Variants in RXFP2 observed in about 807,000 individuals in gnomAD.
The protein encoded by RXFP2 is relaxin receptor 2.
In RXFP2, 68 loss-of-function variants were observed where a neutral mutation model predicts 88.6. The observed-to-expected ratio is 0.77, with a 90% CI of 0.63 to 0.94. The LOEUF is 0.94. Among genes scored for constraint, RXFP2 ranks in the 40% least tolerant of loss-of-function variants. The probability of loss-of-function intolerance (pLI) is 0.00; values close to 1 mark genes in which losing one functional copy is unlikely to be tolerated. For synonymous variants in RXFP2, 329 were observed against 306.8 expected (o/e 1.07, Z -0.76); for missense variants, 791 against 893.9 (o/e 0.88, Z 1.47).
At chr13:31,758,427 C>T in intron 2 of RXFP2, 23 bp downstream of exon 2, 1 of 1,613,426 alleles carries the variant, frequency 6.2e-7, no homozygotes, top group Non-Finnish European at 8.5e-7. Context: ...CTCGGCTCCC[C>T]ATGTGTGCCT....
intron 17 of RXFP2, among the ~76,000 whole-genome samples, chr13:31,798,293 C>T (rs1874154880): frequency 6.6e-6 from 1 of 152,154 alleles, no homozygotes; most frequent in Non-Finnish European, 1.5e-5. Context: ...CTGCAAAATA[C>T]CACACAACAT....
intron 14 of RXFP2, 72 bp downstream of exon 14, chr13:31,789,265 T>C: frequency 2.1e-6 from 2 of 948,548 alleles, no homozygotes; most frequent in Non-Finnish European, 1.7e-6. Context: ...AACTGTCTAA[T>C]GTATCACTGC....
chr13:31,796,109 G>A (rs1213609362), intron 16 of RXFP2, among the ~76,000 whole-genome samples: 1 of 134,264 alleles, frequency 7.4e-6, no homozygotes, highest in African/African-American at 2.8e-5. Flanking sequence ...GAGTGCAGTG[G>A]CGCAATCTCG....
intron 1 of RXFP2, among the ~76,000 whole-genome samples, chr13:31,753,355 T>C (rs558912473): frequency 6.6e-6 from 1 of 152,190 alleles, no homozygotes; most frequent in South Asian, 2.1e-4. Flanking sequence ...CATTTTAAAA[T>C]CTCTTGGCAC....
At chr13:31,753,165 C>A (rs149829753) in intron 1 of RXFP2, among the ~76,000 whole-genome samples, 2 of 152,276 alleles carry the variant, frequency 1.3e-5, no homozygotes, top group East Asian at 3.9e-4. Context: ...GTAGGACTAG[C>A]ATTGGCAGAG....
intron 15 of RXFP2, among the ~76,000 whole-genome samples, 158 bp downstream of exon 15, chr13:31,792,193 G>A (rs1221860065): frequency 1.3e-5 from 2 of 152,004 alleles, no homozygotes; most frequent in African/African-American, 4.8e-5. Context: ...CTGGCTCTTT[G>A]TGGCTTTGTT....
intron 1 of RXFP2, among the ~76,000 whole-genome samples, chr13:31,757,286 G>A (rs1379311927): frequency 6.6e-6 from 1 of 152,104 alleles, no homozygotes; most frequent in Non-Finnish European, 1.5e-5. Context: ...TCAGAGGGAG[G>A]ATTCAAAGCC....
At chr13:31,752,040 C>G (rs1215620449) in intron 1 of RXFP2, among the ~76,000 whole-genome samples, 2 of 152,156 alleles carry the variant, frequency 1.3e-5, no homozygotes, top group African/African-American at 4.8e-5. Context: ...TATAACCCAC[C>G]AACAGCCACA....
rs536336260 is a variant in RXFP2, at chr13:31,791,897, T to C, written c.1237T>C (p.Leu413=). ...TDGISSFEDL[L]ANNILRIFVW... is the part of the protein sequence containing the mutation. Reference sequence around the variant, plus strand: ...CGGCATTTCTTCATTTGAGGACCTCTTGGCTAACAATATCCTCAGAATATT... The same window carrying C: ...CGGCATTTCTTCATTTGAGGACCTCCTGGCTAACAATATCCTCAGAATATT... Residue 413 remains leucine (L), a synonymous_variant, in exon 15 of 18, where the codon TTG becomes CTG. Transcript: ENST00000298386. The C allele has an allele frequency of 2.1e-5, 34 of 1,614,138 alleles. No individual in the cohort carries two copies. The African/African-American group carries it at 4.0e-4, about 19-fold the overall frequency.
At chr13:31,758,474 A>G in intron 2 of RXFP2, 70 bp downstream of exon 2, 1 of 1,558,374 alleles carries the variant, frequency 6.4e-7, no homozygotes, top group South Asian at 1.1e-5. Context: ...GGTCGGTTGG[A>G]TAATGATTGT....
chr13:31,799,163 G>A (rs7984268), intron 17 of RXFP2, among the ~76,000 whole-genome samples: 51,478 of 151,398 alleles, frequency 0.34, 9,081 homozygotes, highest in East Asian at 0.5. Context: ...CAAGAGTGAT[G>A]GAATAGGGGA....
chr13:31,786,221 T>C lies in RXFP2; in HGVS notation c.930-162T>C, dbSNP rs144728239. Among the ~76,000 whole-genome samples, 45 of 152,338 alleles carry C rather than the reference T, an allele frequency of 3.0e-4. No individual in the cohort carries two copies. In the East Asian group the frequency reaches 7.9e-3, roughly 27 times the overall value. On this transcript the variant is annotated intron_variant, in intron 11 of 17. Coordinates refer to ENST00000298386, the MANE Select transcript of RXFP2 (RefSeq NM_130806.5). ...TGTAAGTGTTGGAAACCGTATCCAT[T>C]TGGCTGACTCATACGGCCCTGTTGT...
rs187452117 is a variant in RXFP2, at chr13:31,793,071, C to T, written c.1769C>T (p.Ser590Phe). Residue 590 changes from serine (S) to phenylalanine (F), a missense_variant, in exon 16 of 18, where the codon TCT becomes TTT. Transcript: ENST00000298386. ...GAAGATATTGGAAGCAAAGGGTATT[C>T]TCTTGGAATTTTCCTAGGTAAATTA... ...QTEDIGSKGY[S>F]LGIFLGVNLL... 14 of 1,611,790 alleles carry T rather than the reference C, an allele frequency of 8.7e-6. No individual in the cohort carries two copies. The East Asian group carries it at 3.1e-4, about 36-fold the overall frequency.
chr13:31,771,488 C>G (rs373213732), intron 5 of RXFP2, among the ~76,000 whole-genome samples: 1 of 152,148 alleles, frequency 6.6e-6, no homozygotes, highest in Non-Finnish European at 1.5e-5. Flanking sequence ...ACCATCCCCC[C>G]TCTCCATCCA....
At position 31,765,432 on chromosome 13, in the gene RXFP2, CT is replaced by C. The variant is rs58728346; in HGVS notation, c.425+301del. 0.34 allele frequency among the ~76,000 whole-genome samples: 51,198 copies of C among 149,194 alleles called. 9,164 individuals are homozygous for C. The highest frequency in any genetic ancestry group is 0.44 in the Admixed American group (6,572 of 15,074). On this transcript the variant is annotated intron_variant, in intron 4 of 17. Transcript: ENST00000298386. ...TTACTACTGTCCTTGTGTTGAAATG[CT>C]TTTTTTTTTTGTTTTAAAAGGAAGC...
intron 1 of RXFP2, among the ~76,000 whole-genome samples, chr13:31,757,990 G>T (rs1276242805): frequency 6.6e-6 from 1 of 152,148 alleles, no homozygotes; most frequent in African/African-American, 2.4e-5. Flanking sequence ...TACTCGGGAG[G>T]CTGAGGCAGG....
At chr13:31,770,412 GA>G (rs1158785852) in intron 5 of RXFP2, among the ~76,000 whole-genome samples, 1 of 152,132 alleles carries the variant, frequency 6.6e-6, no homozygotes, top group East Asian at 1.9e-4. Context: ...ATTTCTGGGA[GA>G]AAATTTCCAA....
intron 11 of RXFP2, among the ~76,000 whole-genome samples, chr13:31,783,149 CA>C (rs1873366334): frequency 6.6e-6 from 1 of 152,126 alleles, no homozygotes; most frequent in South Asian, 2.1e-4. Context: ...AACAAAGGAA[CA>C]AATATGCTTA....
rs142088626 is a variant in RXFP2, at chr13:31,765,367, T to C, written c.425+225T>C. On this transcript the variant is annotated intron_variant, in intron 4 of 17. Coordinates refer to ENST00000298386, the MANE Select transcript of RXFP2 (RefSeq NM_130806.5). ...GTTAGCTCACAAATGTCTGTGGGCC[T>C]GGAGTTCTTATTTTCAATTGCTTTC... Among the ~76,000 whole-genome samples the C allele has an allele frequency of 1.1e-3, 166 of 152,302 alleles. 2 individuals carry two copies. In the East Asian group the frequency reaches 0.027, roughly 24 times the overall value.
Sources: gnomAD v4.1 joint callset for allele counts (sites outside exome capture counted in the v4.1 genomes callset) on GRCh38, gnomAD v4.1.1 for gene constraint, MANE v1.5 for transcripts, NCBI Gene and HGNC (gene_info 2026-07-23, HGNC 2026-07-21) for gene names.